Variants in GSG1L2 observed in about 807,000 individuals in gnomAD.
GSG1L2 encodes GSG1 like 2, also known as germ cell-specific gene 1-like protein 2.
Under a neutral mutation model 9.0 loss-of-function variants are expected in GSG1L2, and 15 were observed. That is an observed-to-expected ratio of 1.67 (90% confidence interval 1.12 to 2.57). The LOEUF (loss-of-function observed/expected upper bound fraction) is 2.57, where lower values mean the gene tolerates loss of function less well. Among genes scored for constraint, GSG1L2 ranks in the 30% most tolerant of loss-of-function variants. GSG1L2 has a pLI of 0.00. For missense variants in GSG1L2, 286 were observed against 150.3 expected, an observed-to-expected ratio of 1.90 and a Z score of -4.72; for synonymous variants, 127 against 57.9, an observed-to-expected ratio of 2.19 and a Z score of -5.41.
Position 9,808,927 on chromosome 17 carries a change from T to G in GSG1L2, c.414A>C (p.Thr138=). 1.4e-6 allele frequency: 1 copy of G among 703,004 alleles called. No individual in the cohort carries two copies. The highest frequency in any genetic ancestry group is 2.0e-5 in the Admixed American group (1 of 50,006). 43.5% of individuals were successfully genotyped at this position (703,004 alleles called of 1,614,324 possible). ...CTCTGGAGCCCAGGAGGATGGCGCT[T>G]GTCAGTATCAGAACGATATCCAGGA... ...GEVLDIVLIL[T]SAILLGSRVS... Residue 138 remains threonine, a synonymous_variant, in exon 3 of 5, where the codon ACA becomes ACC. Coordinates refer to ENST00000399363, the MANE Select transcript of GSG1L2 (RefSeq NM_001310219.2).
At chr17:9,814,766 C>G (rs189257902) in intron 1 of GSG1L2, among the ~76,000 whole-genome samples, 90 of 152,298 alleles carry the variant, frequency 5.9e-4, no homozygotes, top group Middle Eastern at 3.4e-3. Context: ...AAGTGGCGTC[C>G]GATCCCTCCG....
rs1010706092 is a variant in GSG1L2 at position 9,802,429 on chromosome 17, C to G, written c.839G>C (p.Gly280Ala). The change falls in exon 5 of 5, where the codon GGA becomes GCA. Residue 280 changes from glycine (G) to alanine (A), a missense_variant. Gly to Ala is a moderately conservative substitution (Grantham distance 60, BLOSUM62 0). Coordinates refer to ENST00000399363, the MANE Select transcript of GSG1L2 (RefSeq NM_001310219.2). ...PAEQAFRNVSGHLPPGAPGKV... is the reference protein window; with the variant it reads ...PAEQAFRNVSAHLPPGAPGKV... ...GCCTGGGGCGCCTGGTGGGAGGTGT[C>G]CAGAAACATTCCTGAAGGCTTGTTC... is the stretch of plus-strand genomic sequence containing the variant. 2 of 696,436 alleles carry G rather than the reference C, an allele frequency of 2.9e-6. No individual in the cohort carries two copies. Among genetic ancestry groups the G allele is most frequent in the African/African-American group, 3.5e-5 (2 of 57,100 alleles). The allele number at this position is 696,436 out of a possible 1,614,324, so 43.1% of individuals were successfully genotyped here.
In GSG1L2 at chr17:9,819,371, T is replaced by G. The variant is rs549474235; in HGVS notation, c.310+2391A>C. 6.6e-5 allele frequency among the ~76,000 whole-genome samples: 10 copies of G among 152,342 alleles called. No homozygotes were observed. The South Asian group carries it at 1.4e-3, about 22-fold the overall frequency. ...AGAGGGTATGTGGGATGTTGTGGTA[T>G]GAGAGAGTTAAATCCTATTTATTAT... On this transcript the variant is annotated intron_variant, in intron 1 of 4. Transcript: ENST00000399363.
chr17:9,816,910 CTGTGTGTGTGTGTGTGTG>C (rs56337214), intron 1 of GSG1L2, among the ~76,000 whole-genome samples: 10 of 94,480 alleles, frequency 1.1e-4, no homozygotes, highest in African/African-American at 4.1e-4. Flanking sequence ...GTGTGTGTAT[CTGTGTGTGTGTGTGTGTG>C]TGTGTGTGTG....
At chr17:9,803,532 C>T (rs1362470984) in intron 4 of GSG1L2, among the ~76,000 whole-genome samples, 1 of 152,136 alleles carries the variant, frequency 6.6e-6, no homozygotes, top group East Asian at 1.9e-4. Flanking sequence ...CTGCTTTATA[C>T]CAAAGGGTGT....
At position 9,808,909 on chromosome 17, in the gene GSG1L2, G is replaced by A. The variant is rs1235174971; in HGVS notation, c.432C>T (p.Gly144=). Residue 144 remains glycine, a synonymous_variant, in exon 3 of 5, where the codon GGC becomes GGT. Transcript: ENST00000399363. ...VLILTSAILL[G]SRVSCRSPGF... is the part of the protein sequence containing the mutation. ...CAGGGCTGCGACAACTCACTCTGGA[G>A]CCCAGGAGGATGGCGCTTGTCAGTA... The A allele has an allele frequency of 5.7e-6, 4 of 703,032 alleles. No homozygotes were observed. The highest frequency in any genetic ancestry group is 4.4e-5 in the South Asian group (3 of 67,598). The allele number at this position is 703,032 out of a possible 1,614,324, so 43.5% of individuals were successfully genotyped here.
At chr17:9,807,662 C>A (rs111554027) in intron 3 of GSG1L2, 61 bp from the exon 4 acceptor site, 21 of 700,526 alleles carry the variant, frequency 3.0e-5, no homozygotes, top group Non-Finnish European at 4.7e-5. Context: ...GAACTCTACG[C>A]GGTGTGAGTT....
chr17:9,803,641 C>T (rs1378276503), intron 4 of GSG1L2: 10 of 152,240 alleles, frequency 6.6e-5, no homozygotes, highest in Non-Finnish European at 1.3e-4. Context: ...ACCAGAGACA[C>T]TTCCCAATGG....
At chr17:9,818,280 CA>C (rs1240931473) in intron 1 of GSG1L2, among the ~76,000 whole-genome samples, 1 of 151,984 alleles carries the variant, frequency 6.6e-6, no homozygotes, top group Non-Finnish European at 1.5e-5. Context: ...GGAGTGGGAG[CA>C]AGAGAGAGAA....
chr17:9,814,922 A>C (rs1194176079), intron 1 of GSG1L2, among the ~76,000 whole-genome samples: 1 of 152,176 alleles, frequency 6.6e-6, no homozygotes, highest in African/African-American at 2.4e-5. Context: ...CATTTTGTGG[A>C]TTCACAAACT....
intron 4 of GSG1L2, among the ~76,000 whole-genome samples, chr17:9,805,273 C>G (rs139118295): frequency 1.0e-3 from 155 of 151,994 alleles, no homozygotes; most frequent in South Asian, 2.3e-3. Context: ...CCCCCTCCCC[C>G]ACCCCAAGCA....
chr17:9,802,717 G>A (rs1315641100), intron 4 of GSG1L2, 73 bp from the exon 5 acceptor site: 7 of 663,818 alleles, frequency 1.1e-5, no homozygotes, highest in Non-Finnish European at 1.9e-5. Flanking sequence ...CTCCAGACTG[G>A]GGGTCAATCT....
intron 1 of GSG1L2, among the ~76,000 whole-genome samples, chr17:9,819,984 G>A (rs940812725): frequency 1.3e-5 from 2 of 151,950 alleles, no homozygotes; most frequent in African/African-American, 4.8e-5. Flanking sequence ...AGCTTCTGGG[G>A]AAGCTGAGGC....
chr17:9,820,702 AT>A lies in GSG1L2; in HGVS notation c.310+1059del, dbSNP rs1183241009. Among the ~76,000 whole-genome samples the A allele has an allele frequency of 2.0e-5, 3 of 149,836 alleles. No homozygotes were observed. The highest frequency in any genetic ancestry group is 1.5e-5 in the Non-Finnish European group (1 of 67,688). On this transcript the variant is annotated intron_variant, in intron 1 of 4. Coordinates refer to ENST00000399363, the MANE Select transcript of GSG1L2 (RefSeq NM_001310219.2). This position sits in a 1 kb window ranked among gnomAD's most constrained non-coding sequence, Gnocchi z 4.9. ...AATTTGAGACAGGTCTCGCTCTATC[AT>A]TCAGGCTGGAGGGCAGTCACACGAT... is the stretch of plus-strand genomic sequence containing the variant.
chr17:9,803,742 G>A (rs1342880051), intron 4 of GSG1L2: 5 of 152,154 alleles, frequency 3.3e-5, no homozygotes, highest in Non-Finnish European at 5.9e-5. Context: ...ACCTCACGGC[G>A]ACCCCCTGAT....
chr17:9,809,201 G>A (rs1466407977), intron 2 of GSG1L2: 6 of 534,294 alleles, frequency 1.1e-5, no homozygotes, highest in South Asian at 2.1e-5. Flanking sequence ...CTGAACGGGC[G>A]GTGGGGTGGG....
chr17:9,802,748 G>C (rs946499948), intron 4 of GSG1L2, 104 bp from the exon 5 acceptor site: 1 of 634,762 alleles, frequency 1.6e-6, no homozygotes. Flanking sequence ...ACAGCTCCTC[G>C]TTCTACTCAG....
At chr17:9,809,123 G>A (rs145208359) in intron 2 of GSG1L2, 141 bp from the exon 3 acceptor site, 1 of 607,974 alleles carries the variant, frequency 1.6e-6, no homozygotes, top group East Asian at 2.8e-5. Flanking sequence ...TGCCTCTGCT[G>A]AATCTTAGCT....
At chr17:9,806,390 G>A (rs1221239253) in intron 4 of GSG1L2, among the ~76,000 whole-genome samples, 1 of 152,168 alleles carries the variant, frequency 6.6e-6, no homozygotes, top group African/African-American at 2.4e-5. Context: ...AACTTGGTGG[G>A]TATCAGAAGG....
Sources: allele counts gnomAD v4.1 joint callset (sites outside exome capture counted in the v4.1 genomes callset), GRCh38; gene constraint gnomAD v4.1.1; non-coding constraint Gnocchi (gnomAD v3.1); transcripts MANE v1.5; gene names NCBI Gene and HGNC (gene_info 2026-07-23, HGNC 2026-07-21).